CACNA1H: variants seen among roughly 807,000 people sequenced by gnomAD.
CACNA1H encodes the protein calcium voltage-gated channel subunit alpha1 H, also known as voltage-dependent T-type calcium channel subunit alpha-1H.
Under a neutral mutation model 192.5 loss-of-function variants are expected in CACNA1H, and 149 were observed. The observed-to-expected ratio is 0.77, with a 90% CI of 0.68 to 0.89. CACNA1H has a LOEUF of 0.89. Ranked by LOEUF, CACNA1H falls within the 40% of genes least tolerant of loss-of-function variation. The pLI, the probability that CACNA1H is intolerant of heterozygous loss-of-function variation, is 0.00. For missense variants in CACNA1H, 4,257 were observed against 3,423.5 expected (o/e 1.24, Z -6.08); for synonymous variants, 2,202 against 1,475.2 (o/e 1.49, Z -11.29).
rs534663562 is a variant in CACNA1H, at chr16:1,212,319, C to T, written c.4759+181C>T. ...GGCCCGAGAGGGCCGTCGGGGAGCCCGCCATGGCAGGAGAGGAGGAGACAC... is the reference window on the plus strand; with the variant it reads ...GGCCCGAGAGGGCCGTCGGGGAGCCTGCCATGGCAGGAGAGGAGGAGACAC... On this transcript the variant is annotated intron_variant, in intron 25 of 34. Transcript: ENST00000348261. The T allele has an allele frequency of 5.8e-5, 67 of 1,147,178 alleles. No homozygotes were observed. In the South Asian group the frequency reaches 7.9e-4, roughly 14 times the overall value. The allele number at this position is 1,147,178 out of a possible 1,614,324, so 71.1% of individuals were successfully genotyped here. A position where few individuals can be genotyped will look rare whatever the true frequency, so the allele number is the denominator to read the frequency against.
rs1411014542 is a variant in CACNA1H at position 1,209,106 on chromosome 16, C to T, written c.3438C>T (p.Ser1146=). The change falls in exon 17 of 35, where the codon AGC becomes AGT. Residue 1146 remains serine (S), a synonymous_variant. Coordinates refer to ENST00000348261, the MANE Select transcript of CACNA1H (RefSeq NM_021098.3). The part of the protein sequence containing the change: ...GAWSSRRSSW[S]SLGRAPSLKR... The stretch of plus-strand genomic sequence containing the variant: ...GGAGCAGCCGGCGCTCCAGCTGGAG[C>T]AGCCTGGGCCGTGCCCCCAGCCTCA... 6.5e-7 allele frequency: 1 copy of T among 1,549,848 alleles called. No homozygotes were observed. The highest frequency in any genetic ancestry group is 1.2e-5 in the South Asian group (1 of 83,578).
chr16:1,221,712 G>C lies in CACNA1H; in HGVS notation c.*718G>C, dbSNP rs1970492041. On this transcript the variant is annotated 3_prime_UTR_variant, in exon 35 of 35. Transcript: ENST00000348261. ...GCAATAATCTGATGCAGAAGACTCAGCTTCTCAAGGGAGAGGGAGGGGGCG... is the reference window on the plus strand; with the variant it reads ...GCAATAATCTGATGCAGAAGACTCACCTTCTCAAGGGAGAGGGAGGGGGCG... The C allele has an allele frequency of 2.2e-6, 3 of 1,366,886 alleles. No homozygotes were observed. The highest frequency in any genetic ancestry group is 2.9e-5 in the South Asian group (2 of 68,192). The allele number at this position is 1,366,886 out of a possible 1,614,324, so 84.7% of individuals were successfully genotyped here.
At position 1,209,373 on chromosome 16, in the gene CACNA1H, C is replaced by T. The variant is rs1248741433; in HGVS notation, c.3705C>T (p.His1235=). The T allele has an allele frequency of 1.3e-6, 2 of 1,597,978 alleles. No individual in the cohort carries two copies. Among genetic ancestry groups the T allele is most frequent in the East Asian group, 2.2e-5 (1 of 44,866 alleles). ...PSDFFLRIDS[H]REDAAELDDD... is the part of the protein sequence containing the mutation. ...ACTTCTTCCTGCGCATCGACAGCCACCGTGAGGATGCAGCCGAGCTTGACG... is the reference window on the plus strand; with the variant it reads ...ACTTCTTCCTGCGCATCGACAGCCATCGTGAGGATGCAGCCGAGCTTGACG... The change falls in exon 17 of 35, where the codon CAC becomes CAT. Residue 1235 remains histidine (H), a synonymous_variant. Coordinates refer to ENST00000348261, the MANE Select transcript of CACNA1H (RefSeq NM_021098.3).
Position 1,154,019 on chromosome 16 carries a change from C to G in CACNA1H, c.282C>G (p.Leu94=), listed in dbSNP as rs960703593. Residue 94 remains leucine (L), a synonymous_variant, in exon 2 of 35, where the codon CTC becomes CTG. Transcript: ENST00000348261. ...CCACGCGGCCGCGCAGCTGGTGCCT[C>G]CGGCTGGTCTGCAACCCATATCCTT... ...GQTTRPRSWC[L]RLVCNPWFEH... 1.5e-6 allele frequency: 2 copies of G among 1,371,894 alleles called. No individual in the cohort carries two copies. Among genetic ancestry groups the G allele is most frequent in the Non-Finnish European group, 1.9e-6 (2 of 1,054,316 alleles). The allele number at this position is 1,371,894 out of a possible 1,614,324, so 85.0% of individuals were successfully genotyped here.
At chr16:1,191,787 C>T (rs868553395) in intron 2 of CACNA1H, among the ~76,000 whole-genome samples, 16 of 85,912 alleles carry the variant, frequency 1.9e-4, no homozygotes, top group Middle Eastern at 5.1e-3. Context: ...GCTGGCCTGG[C>T]TGTGTGGCCT....
At chr16:1,201,252 C>T (rs532818446) in intron 8 of CACNA1H, among the ~76,000 whole-genome samples, 2 of 152,252 alleles carry the variant, frequency 1.3e-5, no homozygotes, top group East Asian at 1.9e-4. Flanking sequence ...ACAGACGTCC[C>T]CAGCTTGTTC....
intron 22 of CACNA1H, 50 bp from the exon 23 acceptor site, chr16:1,211,430 TG>T: frequency 1.2e-6 from 2 of 1,610,360 alleles, no homozygotes; most frequent in Non-Finnish European, 1.7e-6. Flanking sequence ...AAGTCCGGTG[TG>T]GGGTGGGGCA....
chr16:1,215,128 C>G, intron 28 of CACNA1H, 47 bp downstream of exon 28: 1 of 1,583,252 alleles, frequency 6.3e-7, no homozygotes, highest in Non-Finnish European at 8.6e-7. Context: ...CCTCAGGGCT[C>G]TGGGGGCTGG....
At chr16:1,156,452 G>A (rs1040347955) in intron 2 of CACNA1H, among the ~76,000 whole-genome samples, 12 of 152,210 alleles carry the variant, frequency 7.9e-5, no homozygotes, top group East Asian at 3.9e-4. Flanking sequence ...TGGCTGAGCC[G>A]GGGAAGCCCA....
intron 31 of CACNA1H, among the ~76,000 whole-genome samples, 190 bp downstream of exon 31, chr16:1,217,200 C>T (rs1030613039): frequency 5.3e-5 from 8 of 152,344 alleles, no homozygotes; most frequent in South Asian, 2.1e-4. Flanking sequence ...CTCGTGTTGA[C>T]GCAGAGGCAT....
intron 2 of CACNA1H, among the ~76,000 whole-genome samples, chr16:1,179,182 T>C (rs950843814): frequency 6.6e-6 from 1 of 151,754 alleles, no homozygotes; most frequent in Non-Finnish European, 1.5e-5. Flanking sequence ...TCCCCAGGAG[T>C]GAGAGCTGTG....
chr16:1,155,190 C>T (rs1275262799), intron 2 of CACNA1H, among the ~76,000 whole-genome samples: 1 of 152,218 alleles, frequency 6.6e-6, no homozygotes, highest in African/African-American at 2.4e-5. Flanking sequence ...GTGAGTCAGA[C>T]TCATCTCTGC....
At chr16:1,174,273 C>T (rs771413839) in intron 2 of CACNA1H, among the ~76,000 whole-genome samples, 8 of 152,234 alleles carry the variant, frequency 5.3e-5, no homozygotes, top group South Asian at 2.1e-4. Context: ...CCCATGGCCA[C>T]GGGCCAGCTG....
chr16:1,214,795 T>G (rs1969865696), intron 27 of CACNA1H, among the ~76,000 whole-genome samples, 177 bp from the exon 28 acceptor site: 1 of 152,086 alleles, frequency 6.6e-6, no homozygotes, highest in South Asian at 2.1e-4. Flanking sequence ...GAGCACTTCC[T>G]GTATGCTGGG....
In CACNA1H at chr16:1,202,149, C is replaced by G. The variant is rs1252596092; in HGVS notation, c.1699C>G (p.Pro567Ala). Reference protein sequence around the residue: ...PSPPSPGRGPPDAESVHSIYH... With the variant: ...PSPPSPGRGPADAESVHSIYH... Reference sequence around the variant, plus strand: ...GCCACCTTCCCCAGGCCGCGGACCCCCCGACGCAGAGTCTGTGCACAGCAT... The same window carrying G: ...GCCACCTTCCCCAGGCCGCGGACCCGCCGACGCAGAGTCTGTGCACAGCAT... The change falls in exon 9 of 35, where the codon CCC becomes GCC. Residue 567 changes from proline (P) to alanine (A), a missense_variant. By Grantham distance (27) the Pro-to-Ala change is conservative. Transcript: ENST00000348261. The G allele has an allele frequency of 1.9e-6, 3 of 1,550,178 alleles. No homozygotes were observed. Among genetic ancestry groups the G allele is most frequent in the South Asian group, 1.2e-5 (1 of 84,116 alleles).
chr16:1,203,750 T>A (rs1968292841), intron 9 of CACNA1H, among the ~76,000 whole-genome samples: 1 of 152,116 alleles, frequency 6.6e-6, no homozygotes, highest in African/African-American at 2.4e-5. Context: ...TTCACATGGC[T>A]CTTTGGTTTC....
chr16:1,210,750 G>T (rs373273058), intron 20 of CACNA1H, 37 bp from the exon 21 acceptor site: 15 of 1,578,036 alleles, frequency 9.5e-6, no homozygotes, highest in Non-Finnish European at 1.3e-5. Context: ...GACCCCCCAC[G>T]CCTGAGCCTG....
At chr16:1,196,055 C>A in intron 5 of CACNA1H, 32 bp downstream of exon 5, 4 of 1,556,502 alleles carry the variant, frequency 2.6e-6, no homozygotes, top group Non-Finnish European at 3.5e-6. Flanking sequence ...GGCTTGAGAT[C>A]AACAGGCTTG....
intron 2 of CACNA1H, among the ~76,000 whole-genome samples, chr16:1,188,840 G>T (rs1966319670): frequency 6.6e-6 from 1 of 152,180 alleles, no homozygotes; most frequent in Admixed American, 6.5e-5. Context: ...CCCAGCCCTG[G>T]TACATCCAGG....
Sources: allele counts gnomAD v4.1 joint callset (sites outside exome capture counted in the v4.1 genomes callset), GRCh38; gene constraint gnomAD v4.1.1; transcripts MANE v1.5; gene names NCBI Gene and HGNC (gene_info 2026-07-23, HGNC 2026-07-21).